The following EYS variants were observed in gnomAD, a reference collection of about 807,000 sequenced individuals.
EYS encodes protein eyes shut homolog.
In EYS, 250 loss-of-function variants were observed where a neutral mutation model predicts 282.1. The observed-to-expected ratio is 0.89, with a 90% CI of 0.80 to 0.98. The LOEUF is 0.98. Among genes scored for constraint, EYS ranks in the 50% least tolerant of loss-of-function variants. EYS has a pLI of 0.00. For synonymous variants in EYS, 1,355 were observed against 1,282.9 expected (o/e 1.06, Z -1.20); for missense variants, 4,016 against 3,709.0 (o/e 1.08, Z -2.15).
At chr6:65,512,990 T>C (rs1409358399) in intron 2 of EYS, among the ~76,000 whole-genome samples, 1 of 152,066 alleles carries the variant, frequency 6.6e-6, no homozygotes, top group Non-Finnish European at 1.5e-5. Flanking sequence ...AAAAAATTAA[T>C]GAATCCACAA....
At chr6:64,878,790 C>A (rs957420218) in intron 19 of EYS, among the ~76,000 whole-genome samples, 1 of 151,608 alleles carries the variant, frequency 6.6e-6, no homozygotes, top group African/African-American at 2.4e-5. Context: ...AAATTGGCAG[C>A]CTGAAAATAG....
intron 12 of EYS, among the ~76,000 whole-genome samples, chr6:65,094,317 G>GAAA (rs35028634): frequency 5.7e-4 from 42 of 73,810 alleles, no homozygotes; most frequent in African/African-American, 2.1e-3. Flanking sequence ...ATATCTTAAC[G>GAAA]AAAAAAAAAA....
intron 31 of EYS, among the ~76,000 whole-genome samples, chr6:64,128,222 A>G (rs1773848413): frequency 6.6e-6 from 1 of 152,132 alleles, no homozygotes; most frequent in Non-Finnish European, 1.5e-5. Flanking sequence ...TGGATGTTTC[A>G]ATTGCATTTC....
chr6:63,929,934 T>G (rs1764835843), intron 35 of EYS, among the ~76,000 whole-genome samples: 1 of 152,228 alleles, frequency 6.6e-6, no homozygotes, highest in Non-Finnish European at 1.5e-5. Context: ...ACCCTATTAG[T>G]TATCATTGTA....
intron 33 of EYS, among the ~76,000 whole-genome samples, chr6:64,047,062 T>G (rs1233905107): frequency 6.6e-6 from 1 of 151,796 alleles, no homozygotes; most frequent in Non-Finnish European, 1.5e-5. Context: ...TAATGACTTT[T>G]TTTCCCCCTC....
At chr6:64,123,639 C>G (rs909133203) in intron 31 of EYS, among the ~76,000 whole-genome samples, 4 of 152,056 alleles carry the variant, frequency 2.6e-5, no homozygotes, top group African/African-American at 7.2e-5. Context: ...CAGATTAAAT[C>G]AAAAGGCAAA....
rs143715549 is a variant in EYS at position 65,049,454 on chromosome 6, T to C, written c.2137+8160A>G. ...CTTTCAATTTAAAGGGAAAAGACCATTTTTCACATGCTGGGAAATAGGTAG... is the reference window on the plus strand; with the variant it reads ...CTTTCAATTTAAAGGGAAAAGACCACTTTTCACATGCTGGGAAATAGGTAG... On this transcript the variant is annotated intron_variant, in intron 13 of 42. Transcript: ENST00000503581. 8.1e-4 allele frequency among the ~76,000 whole-genome samples: 123 copies of C among 151,854 alleles called. 1 individual carries two copies. The highest frequency in any genetic ancestry group is 2.9e-3 in the African/African-American group (119 of 41,490).
chr6:65,342,080 C>T (rs1414114827), intron 10 of EYS, among the ~76,000 whole-genome samples: 1 of 151,088 alleles, frequency 6.6e-6, no homozygotes, highest in Non-Finnish European at 1.5e-5. Flanking sequence ...AGAGCTTTGG[C>T]TTAATCCTAA....
rs370375636 is a variant in EYS at position 64,919,419 on chromosome 6, CTTTTTTTTT to C, written c.2382-6685_2382-6677del. ...TCCTTTTTTATGTTTTTCTTTTTTTCTTTTTTTTTTTTTTGTGAGGCTGAAGTTTATGGA... is the reference window on the plus strand; with the variant it reads ...TCCTTTTTTATGTTTTTCTTTTTTTCTTTTTGTGAGGCTGAAGTTTATGGA... On this transcript the variant is annotated intron_variant, in intron 15 of 42. Coordinates refer to ENST00000503581, the MANE Select transcript of EYS (RefSeq NM_001142800.2). Among the ~76,000 whole-genome samples the C allele has an allele frequency of 1.5e-4, 20 of 135,524 alleles. 1 individual carries two copies. The highest frequency in any genetic ancestry group is 5.5e-4 in the African/African-American group (20 of 36,606). 88.9% of individuals were successfully genotyped at this position (135,524 alleles called of 152,430 possible). A position where few individuals can be genotyped will look rare whatever the true frequency, so the allele number is the denominator to read the frequency against.
intron 31 of EYS, among the ~76,000 whole-genome samples, chr6:64,165,894 A>T (rs1279366905): frequency 6.6e-6 from 1 of 152,236 alleles, no homozygotes; most frequent in Non-Finnish European, 1.5e-5. Flanking sequence ...CAATTCTGAA[A>T]GTAGGAAAAG....
chr6:65,064,594 T>C (rs1391547406), intron 12 of EYS, among the ~76,000 whole-genome samples: 1 of 149,490 alleles, frequency 6.7e-6, no homozygotes, highest in Admixed American at 6.7e-5. Context: ...AGTTATATAC[T>C]ATATAGCTAT....
intron 2 of EYS, among the ~76,000 whole-genome samples, chr6:65,577,923 G>C (rs1764732769): frequency 6.6e-6 from 1 of 151,232 alleles, no homozygotes; most frequent in African/African-American, 2.4e-5. Context: ...TATAAAAAGA[G>C]GAAAGATAAC....
intron 12 of EYS, among the ~76,000 whole-genome samples, chr6:65,157,199 TAACTC>T (rs1360528799): frequency 2.6e-5 from 4 of 151,080 alleles, no homozygotes; most frequent in Admixed American, 1.3e-4. Context: ...TGGGAAATGT[TAACTC>T]AACTAATAGG....
intron 35 of EYS, among the ~76,000 whole-genome samples, chr6:63,954,689 C>CTTCT (rs1765739561): frequency 6.6e-6 from 1 of 152,066 alleles, no homozygotes; most frequent in Admixed American, 6.6e-5. Flanking sequence ...GGCAGTTGTT[C>CTTCT]TTCTCATCAG....
At chr6:63,931,473 C>A (rs1764892606) in intron 35 of EYS, among the ~76,000 whole-genome samples, 1 of 152,200 alleles carries the variant, frequency 6.6e-6, no homozygotes, top group Non-Finnish European at 1.5e-5. Flanking sequence ...ATTCTGCTCC[C>A]TTCTGACTCT....
In EYS at chr6:65,201,415, T is replaced by C. The variant is rs80269683; in HGVS notation, c.2023+94448A>G. The stretch of plus-strand genomic sequence containing the variant: ...ATATATTTTAATAATGTAACTAATT[T>C]CCTTTATAAATTAGTTATAGTTTTA... On this transcript the variant is annotated intron_variant, in intron 12 of 42. Transcript: ENST00000503581. 6.6e-3 allele frequency among the ~76,000 whole-genome samples: 1,000 copies of C among 152,254 alleles called. 13 individuals carry two copies. The highest frequency in any genetic ancestry group is 0.023 in the African/African-American group (957 of 41,560).
chr6:64,614,509 C>T (rs1767206390), intron 24 of EYS, among the ~76,000 whole-genome samples: 1 of 151,954 alleles, frequency 6.6e-6, no homozygotes, highest in South Asian at 2.1e-4. Flanking sequence ...ATGCTATGAG[C>T]AGTAATAAAA....
At chr6:63,972,613 C>A (rs539409289) in intron 35 of EYS, among the ~76,000 whole-genome samples, 2 of 152,044 alleles carry the variant, frequency 1.3e-5, no homozygotes, top group Admixed American at 1.3e-4. Flanking sequence ...CATAGGTATA[C>A]ATGTGCCATG....
chr6:65,594,663 T>C (rs574755320), intron 2 of EYS, among the ~76,000 whole-genome samples: 2 of 152,282 alleles, frequency 1.3e-5, no homozygotes, highest in African/African-American at 4.8e-5. Flanking sequence ...AGCTCTTTGG[T>C]TTAATTAGAT....
Sources: allele counts gnomAD v4.1 joint callset (sites outside exome capture counted in the v4.1 genomes callset), GRCh38; gene constraint gnomAD v4.1.1; transcripts MANE v1.5; gene names NCBI Gene and HGNC (gene_info 2026-07-23, HGNC 2026-07-21).